Variants in DLG2 observed in about 807,000 individuals in gnomAD.
The protein encoded by DLG2 is discs large MAGUK scaffold protein 2, also known as disks large homolog 2.
A neutral mutation model predicts 132.5 loss-of-function variants in DLG2; 45 were observed. That is an observed-to-expected ratio of 0.34 (90% CI 0.27 to 0.44). DLG2 has a LOEUF of 0.44. Ranked by LOEUF, DLG2 falls within the 20% of genes least tolerant of loss-of-function variation. The pLI is 1.00. For synonymous variants in DLG2, 424 were observed against 419.6 expected, an observed-to-expected ratio of 1.01 and a Z score of -0.13; for missense variants, 1,045 against 1,196.9, an observed-to-expected ratio of 0.87 and a Z score of 1.87.
intron 6 of DLG2, among the ~76,000 whole-genome samples, chr11:84,919,035 T>C (rs2092632066): frequency 6.6e-6 from 1 of 152,146 alleles, no homozygotes; most frequent in Admixed American, 6.5e-5. Flanking sequence ...GTGATGGTTA[T>C]TATGGTGGGA....
At chr11:85,231,160 T>A (rs1290389304) in intron 4 of DLG2, among the ~76,000 whole-genome samples, 1 of 152,004 alleles carries the variant, frequency 6.6e-6, no homozygotes, top group Non-Finnish European at 1.5e-5. Flanking sequence ...CATTTTTTCT[T>A]ACCTCTCCTG....
At chr11:85,377,864 CAT>C (rs752711233) in intron 3 of DLG2, among the ~76,000 whole-genome samples, 14 of 134,716 alleles carry the variant, frequency 1.0e-4, no homozygotes, top group African/African-American at 3.8e-4. Flanking sequence ...TGTGTGTATA[CAT>C]ATATATACAC....
At chr11:85,272,416 T>C (rs984675494) in intron 4 of DLG2, among the ~76,000 whole-genome samples, 9 of 152,178 alleles carry the variant, frequency 5.9e-5, no homozygotes, top group African/African-American at 9.6e-5. Flanking sequence ...GAGACTGATA[T>C]GTCTTAAATC....
At chr11:84,378,572 C>T (rs975319910) in intron 7 of DLG2, among the ~76,000 whole-genome samples, 1 of 151,918 alleles carries the variant, frequency 6.6e-6, no homozygotes, top group East Asian at 1.9e-4. Context: ...AATTTGTAAT[C>T]ACAACTTGGC....
chr11:84,151,709 C>G (rs2095298549), intron 9 of DLG2, among the ~76,000 whole-genome samples: 1 of 152,160 alleles, frequency 6.6e-6, no homozygotes, highest in Non-Finnish European at 1.5e-5. Context: ...GTTAACACTG[C>G]TTTCACTGAA....
At chr11:84,419,100 A>C (rs1480573561) in intron 7 of DLG2, among the ~76,000 whole-genome samples, 1 of 152,152 alleles carries the variant, frequency 6.6e-6, no homozygotes, top group Non-Finnish European at 1.5e-5. Flanking sequence ...AGTTTTGTGA[A>C]TATATGAAAA....
chr11:84,819,485 G>A (rs750473068), intron 6 of DLG2, among the ~76,000 whole-genome samples: 63 of 151,700 alleles, frequency 4.2e-4, no homozygotes, highest in Non-Finnish European at 6.8e-4. Flanking sequence ...ACACTCCATC[G>A]GCTGAAAATG....
chr11:84,628,762 T>C (rs1369572393), intron 6 of DLG2, among the ~76,000 whole-genome samples: 1 of 152,196 alleles, frequency 6.6e-6, no homozygotes, highest in Non-Finnish European at 1.5e-5. Context: ...AGTTTTATGT[T>C]TAACTTCTTT....
chr11:85,487,471 G>C (rs1255348469), intron 3 of DLG2, among the ~76,000 whole-genome samples: 1 of 143,416 alleles, frequency 7.0e-6, no homozygotes, highest in Non-Finnish European at 1.5e-5. Context: ...CAAAAAGATA[G>C]GTATTTCTAA....
chr11:83,966,072 A>C (rs753600515), intron 12 of DLG2, among the ~76,000 whole-genome samples: 66 of 152,168 alleles, frequency 4.3e-4, no homozygotes, highest in Non-Finnish European at 2.8e-4. Context: ...ATAATGTTGC[A>C]CTAATCCTTT....
intron 6 of DLG2, among the ~76,000 whole-genome samples, chr11:85,044,221 G>A (rs1200602798): frequency 6.6e-6 from 1 of 151,900 alleles, no homozygotes; most frequent in African/African-American, 2.4e-5. Flanking sequence ...TGCTCCTGTT[G>A]TGCTACTATA....
intron 6 of DLG2, among the ~76,000 whole-genome samples, chr11:84,879,479 A>G (rs2086941855): frequency 6.6e-6 from 1 of 152,148 alleles, no homozygotes; most frequent in South Asian, 2.1e-4. Context: ...TAGCAGGGAC[A>G]CTTGGGAGGA....
chr11:83,809,819 G>A (rs2046825288), intron 17 of DLG2, among the ~76,000 whole-genome samples: 1 of 152,102 alleles, frequency 6.6e-6, no homozygotes, highest in South Asian at 2.1e-4. Flanking sequence ...GCACTAAGGG[G>A]AAAATTCACA....
chr11:84,208,212 C>T (rs537391105), intron 8 of DLG2, among the ~76,000 whole-genome samples: 1 of 152,210 alleles, frequency 6.6e-6, no homozygotes, highest in South Asian at 2.1e-4. Flanking sequence ...TATGTCTTTG[C>T]CTGCAACTCC....
chr11:84,131,750 CCAAA>C (rs1180501084), intron 9 of DLG2, among the ~76,000 whole-genome samples: 1 of 151,842 alleles, frequency 6.6e-6, no homozygotes, highest in East Asian at 1.9e-4. Context: ...AACAAAAAAC[CCAAA>C]CAGTGATGTT....
intron 18 of DLG2, among the ~76,000 whole-genome samples, chr11:83,676,092 T>C (rs1806020450): frequency 6.6e-6 from 1 of 152,186 alleles, no homozygotes. Context: ...CTGGGGAGAC[T>C]GTCTTTATCC....
Position 85,111,694 on chromosome 11 carries a change from T to C in DLG2, c.324A>G (p.Glu108=). 1 of 1,566,000 alleles carries C rather than the reference T, an allele frequency of 6.4e-7. No individual in the cohort carries two copies. The highest frequency in any genetic ancestry group is 8.7e-7 in the Non-Finnish European group (1 of 1,154,486). ...GRCPAQNCSV[E]APAWMPVHHC... Reference sequence around the variant, plus strand: ...GGTGGACAGGCATCCAAGCAGGGGCTTCCACTGAACAATTCTGGGCTGGGC... The same window carrying C: ...GGTGGACAGGCATCCAAGCAGGGGCCTCCACTGAACAATTCTGGGCTGGGC... The change falls in exon 6 of 28, where the codon GAA becomes GAG. Residue 108 remains glutamate, a synonymous_variant. Transcript: ENST00000376104.
At chr11:85,442,640 T>C (rs567838570) in intron 3 of DLG2, among the ~76,000 whole-genome samples, 1 of 152,162 alleles carries the variant, frequency 6.6e-6, no homozygotes, top group East Asian at 1.9e-4. Context: ...AGAAGGAGGA[T>C]GGCTTGAGGT....
chr11:85,304,536 C>T (rs1173808212), intron 3 of DLG2, among the ~76,000 whole-genome samples: 1 of 152,016 alleles, frequency 6.6e-6, no homozygotes, highest in Non-Finnish European at 1.5e-5. Context: ...ATCTGAAATG[C>T]CCCCAAATCT....
Sources: allele counts gnomAD v4.1 joint callset (sites outside exome capture counted in the v4.1 genomes callset), GRCh38; gene constraint gnomAD v4.1.1; transcripts MANE v1.5; gene names NCBI Gene and HGNC (gene_info 2026-07-23, HGNC 2026-07-21).